TANC2: variants seen among roughly 807,000 people sequenced by gnomAD.
TANC2 encodes protein TANC2.
In TANC2, 26 loss-of-function variants were observed where a neutral mutation model predicts 210.5. The observed-to-expected ratio is 0.12, with a 90% CI of 0.09 to 0.17. TANC2 has a LOEUF of 0.17. Ranked by LOEUF, TANC2 falls within the 10% of genes least tolerant of loss-of-function variation. The probability of loss-of-function intolerance (pLI) is 1.00; values close to 1 mark genes in which losing one functional copy is unlikely to be tolerated. For synonymous variants in TANC2, 931 were observed against 967.1 expected (o/e 0.96, Z 0.69); for missense variants, 2,129 against 2,608.9 (o/e 0.82, Z 4.01).
rs201259668 is a variant in TANC2, at chr17:63,411,729, C to T, written c.3765+43C>T. The stretch of plus-strand genomic sequence containing the variant: ...AGCCTCAAGAGAGCAGAGAGAGGGG[C>T]TATTCTCCATCCATACTACCTGGGG... On this transcript the variant is annotated intron_variant, in intron 22 of 27. Transcript: ENST00000689528. 21 of 1,568,794 alleles carry T rather than the reference C, an allele frequency of 1.3e-5. No homozygotes were observed. In the African/African-American group the frequency reaches 2.8e-4, roughly 21 times the overall value.
At chr17:63,379,729 C>T (rs761798342) in exon 15 of TANC2, 6 of 1,610,790 alleles carry the variant, frequency 3.7e-6, no homozygotes, top group Non-Finnish European at 5.1e-6. Flanking sequence ...AGTGGTCACA[C>T]GTTACTTGCC....
At chr17:63,153,641 A>C (rs976785233) in intron 5 of TANC2, 1 of 152,172 alleles carries the variant, frequency 6.6e-6, no homozygotes, top group Non-Finnish European at 1.5e-5. Context: ...CAATTGGGTT[A>C]CAGGGCTGCT....
At chr17:63,325,625 T>C (rs1198946107) in intron 11 of TANC2, among the ~76,000 whole-genome samples, 1 of 152,242 alleles carries the variant, frequency 6.6e-6, no homozygotes, top group Non-Finnish European at 1.5e-5. Flanking sequence ...CTCATTATTA[T>C]AGCTTTAAAA....
chr17:63,379,754 C>T, exon 15 of TANC2: 10 of 1,612,790 alleles, frequency 6.2e-6, no homozygotes, highest in Non-Finnish European at 8.5e-6. Context: ...GGTTTTCCCG[C>T]CAAGAGGGAA....
chr17:62,970,092 T>C (rs1267005435), intron 1 of TANC2, among the ~76,000 whole-genome samples: 2 of 152,228 alleles, frequency 1.3e-5, no homozygotes, highest in Admixed American at 6.5e-5. Flanking sequence ...TTCACAATTA[T>C]AATAGTTATT....
At chr17:63,088,502 CAT>C (rs777617100) in intron 3 of TANC2, 8 of 152,212 alleles carry the variant, frequency 5.3e-5, no homozygotes, top group African/African-American at 7.2e-5. Context: ...GTGTTTCTCT[CAT>C]GTGTGTATAG....
At chr17:63,136,080 T>C (rs1233825808) in intron 4 of TANC2, among the ~76,000 whole-genome samples, 1 of 152,224 alleles carries the variant, frequency 6.6e-6, no homozygotes, top group Non-Finnish European at 1.5e-5. Context: ...TTGCAGGCCA[T>C]AGTAATTTGC....
intron 4 of TANC2, among the ~76,000 whole-genome samples, chr17:63,122,790 AG>A (rs911959951): frequency 2.0e-5 from 3 of 152,224 alleles, no homozygotes; most frequent in African/African-American, 4.8e-5. Flanking sequence ...CAGATTCCCC[AG>A]ATAAATTATA....
At chr17:62,984,623 T>C (rs909077728) in intron 1 of TANC2, among the ~76,000 whole-genome samples, 1 of 152,156 alleles carries the variant, frequency 6.6e-6, no homozygotes, top group Non-Finnish European at 1.5e-5. Context: ...TTAATACTAC[T>C]TTTGCTGTCT....
At chr17:63,313,587 A>G (rs2045204552) in intron 9 of TANC2, 1 of 152,216 alleles carries the variant, frequency 6.6e-6, no homozygotes, top group Non-Finnish European at 1.5e-5. Flanking sequence ...GAGATGTATA[A>G]GCCAAAAATT....
At chr17:63,342,604 A>G (rs1321846950) in intron 12 of TANC2, among the ~76,000 whole-genome samples, 1 of 152,070 alleles carries the variant, frequency 6.6e-6, no homozygotes, top group Non-Finnish European at 1.5e-5. Context: ...GTGAATCCCC[A>G]TCTCTACTAA....
At chr17:63,297,970 T>C (rs2044588795) in intron 9 of TANC2, among the ~76,000 whole-genome samples, 1 of 152,146 alleles carries the variant, frequency 6.6e-6, no homozygotes, top group Admixed American at 6.6e-5. Context: ...ACATCATCAG[T>C]CATTAGGGAA....
chr17:63,277,647 GA>G (rs1369652011), intron 9 of TANC2, among the ~76,000 whole-genome samples: 1 of 148,490 alleles, frequency 6.7e-6, no homozygotes, highest in Non-Finnish European at 1.5e-5. Context: ...TGATACTTAA[GA>G]AAAGCTAAAA....
Position 63,197,135 on chromosome 17 carries a change from A to G in TANC2, c.582+2996A>G, listed in dbSNP as rs1466277127. Among the ~76,000 whole-genome samples the G allele has an allele frequency of 2.0e-5, 3 of 152,296 alleles. No individual in the cohort carries two copies. The East Asian group carries it at 5.8e-4, about 29-fold the overall frequency. On this transcript the variant is annotated intron_variant, in intron 6 of 27. Coordinates refer to ENST00000689528, the Ensembl canonical transcript of TANC2. ...AGTTAGTATATAAATATATGCAGGAACTGTGTGATTTGGGGGAAATTACAT... is the reference window on the plus strand; with the variant it reads ...AGTTAGTATATAAATATATGCAGGAGCTGTGTGATTTGGGGGAAATTACAT...
chr17:63,184,234 A>G (rs749595845), intron 5 of TANC2, among the ~76,000 whole-genome samples: 28 of 152,166 alleles, frequency 1.8e-4, no homozygotes, highest in Non-Finnish European at 3.8e-4. Context: ...GATATTTAGT[A>G]TCCCTCATCT....
Position 63,033,779 on chromosome 17 carries a change from G to T in TANC2, c.67+24153G>T, listed in dbSNP as rs184783307. Among the ~76,000 whole-genome samples, 107 of 152,252 alleles carry T rather than the reference G, an allele frequency of 7.0e-4. 1 individual carries two copies. The highest frequency in any genetic ancestry group is 2.5e-3 in the African/African-American group (105 of 41,560). The stretch of plus-strand genomic sequence containing the variant: ...TGAGGTGATGATGGGTTATCCAGGG[G>T]ATGTTAGATATTTGGGTTATGGACC... On this transcript the variant is annotated intron_variant, in intron 2 of 27. Coordinates refer to ENST00000689528, the Ensembl canonical transcript of TANC2.
rs747395060 is a variant in TANC2, at chr17:63,420,296, G to A, written c.4566G>A (p.Pro1522=). 74 of 1,613,712 alleles carry A rather than the reference G, an allele frequency of 4.6e-5. No individual in the cohort carries two copies. Among genetic ancestry groups the A allele is most frequent in the South Asian group, 1.1e-4 (10 of 91,080 alleles). The change falls in exon 28 of 28, where the codon CCG becomes CCA. Residue 1522 remains proline, a synonymous_variant. Coordinates refer to ENST00000689528, the Ensembl canonical transcript of TANC2. The surrounding 1 kb of genome is among the most constrained non-coding windows in gnomAD (Gnocchi z 4.2). Reference sequence around the variant, plus strand: ...AGGCCCGGCCCAGCCAGGGGCTCCCGGTCATCCAGAGCCCACCCTCCTCTC... The same window carrying A: ...AGGCCCGGCCCAGCCAGGGGCTCCCAGTCATCCAGAGCCCACCCTCCTCTC...
chr17:63,112,059 T>C (rs2038071576), intron 4 of TANC2, among the ~76,000 whole-genome samples: 1 of 152,186 alleles, frequency 6.6e-6, no homozygotes, highest in Admixed American at 6.5e-5. Context: ...CCTCAAACCA[T>C]ATTCTCTTTT....
chr17:63,013,759 C>CT (rs1242685935), intron 2 of TANC2, among the ~76,000 whole-genome samples: 2 of 43,566 alleles, frequency 4.6e-5, no homozygotes, highest in African/African-American at 2.0e-4. Context: ...GAGACCCTGT[C>CT]TTTAAAAAAA....
Sources: allele counts gnomAD v4.1 joint callset (sites outside exome capture counted in the v4.1 genomes callset), GRCh38; gene constraint gnomAD v4.1.1; non-coding constraint Gnocchi (gnomAD v3.1); transcripts MANE v1.5; gene names NCBI Gene and HGNC (gene_info 2026-07-23, HGNC 2026-07-21).